RBFOX2: variants seen among roughly 807,000 people sequenced by gnomAD.
RBFOX2 encodes RNA binding fox-1 homolog 2.
A neutral mutation model predicts 49.1 loss-of-function variants in RBFOX2; 10 were observed. The observed-to-expected ratio is 0.20, with a 90% confidence interval of 0.13 to 0.35. The LOEUF (loss-of-function observed/expected upper bound fraction) is 0.35, where lower values mean the gene tolerates loss of function less well. Among genes scored for constraint, RBFOX2 ranks in the 10% least tolerant of loss-of-function variants. RBFOX2 has a pLI of 1.00. For missense variants in RBFOX2, 323 were observed against 486.9 expected (o/e 0.66, Z 3.17); for synonymous variants, 183 against 187.4 (o/e 0.98, Z 0.19).
At chr22:35,920,095 G>A (rs2050863982) in intron 1 of RBFOX2, among the ~76,000 whole-genome samples, 1 of 152,218 alleles carries the variant, frequency 6.6e-6, no homozygotes. Flanking sequence ...TAAAAGCACA[G>A]GTTTGGGAGT....
At chr22:35,967,438 T>C (rs933484370) in intron 1 of RBFOX2, among the ~76,000 whole-genome samples, 3 of 151,834 alleles carry the variant, frequency 2.0e-5, no homozygotes, top group Admixed American at 1.3e-4. Context: ...AATGATGTTT[T>C]CTTCCACCTA....
At chr22:35,753,866 T>A (rs1287036711) in intron 9 of RBFOX2, among the ~76,000 whole-genome samples, 1 of 133,522 alleles carries the variant, frequency 7.5e-6, no homozygotes, top group African/African-American at 2.8e-5. Flanking sequence ...CACTGCAACC[T>A]CTGCCTCCAG....
At chr22:35,768,173 G>T in intron 5 of RBFOX2, 84 bp downstream of exon 6, 2 of 1,428,558 alleles carry the variant, frequency 1.4e-6, no homozygotes, top group Non-Finnish European at 9.8e-7. Flanking sequence ...ATAAGACAGG[G>T]TTCCAAATGT....
exon 12 of RBFOX2, chr22:35,743,903 A>G (rs985805932): frequency 1.3e-5 from 4 of 312,706 alleles, no homozygotes; most frequent in Non-Finnish European, 2.3e-5. Context: ...TAAGCTAAGC[A>G]CGGACATACA....
chr22:35,923,308 G>GA (rs2051234565), intron 1 of RBFOX2, among the ~76,000 whole-genome samples: 1 of 152,116 alleles, frequency 6.6e-6, no homozygotes, highest in Non-Finnish European at 1.5e-5. Context: ...CCTTATGGGG[G>GA]AAAGGGCTCC....
chr22:35,894,666 G>A (rs1267902743), intron 1 of RBFOX2, among the ~76,000 whole-genome samples: 2 of 152,136 alleles, frequency 1.3e-5, no homozygotes, highest in Middle Eastern at 3.2e-3. Context: ...TCACCGCTAG[G>A]TTTTAAAAAC....
At chr22:35,783,222 A>T (rs1204336143) in intron 2 of RBFOX2, among the ~76,000 whole-genome samples, 1 of 152,146 alleles carries the variant, frequency 6.6e-6, no homozygotes, top group Non-Finnish European at 1.5e-5. Flanking sequence ...CATGTTACAC[A>T]GGAGGAGACA....
chr22:35,979,529 T>C (rs549047394), intron 1 of RBFOX2, among the ~76,000 whole-genome samples: 4 of 151,944 alleles, frequency 2.6e-5, no homozygotes, highest in African/African-American at 4.8e-5. Context: ...AAAGGCACAA[T>C]GAAAAAGGGT....
intron 1 of RBFOX2, among the ~76,000 whole-genome samples, chr22:36,026,541 T>TACAGACATACAC (rs5845246): frequency 1.2e-3 from 164 of 136,642 alleles, no homozygotes; most frequent in African/African-American, 4.4e-3. Context: ...AATGAATACA[T>TACAGACATACAC]ACACACACAC....
chr22:35,943,096 A>G (rs569933102), upstream of RBFOX2, among the ~76,000 whole-genome samples: 1 of 152,350 alleles, frequency 6.6e-6, no homozygotes, highest in Non-Finnish European at 1.5e-5. Context: ...TCTTGATTCT[A>G]TACCCAATAC....
intron 5 of RBFOX2, among the ~76,000 whole-genome samples, chr22:35,765,956 A>T (rs1046999362): frequency 6.6e-6 from 1 of 152,188 alleles, no homozygotes; most frequent in African/African-American, 2.4e-5. Context: ...AGAGATTTTT[A>T]CTGTCTGAGG....
intron 1 of RBFOX2, among the ~76,000 whole-genome samples, chr22:35,818,004 A>G (rs1349613660): frequency 1.3e-5 from 2 of 152,018 alleles, no homozygotes; most frequent in African/African-American, 4.8e-5. Flanking sequence ...TGAATTACTC[A>G]GAGGGAAAAG....
intron 2 of RBFOX2, among the ~76,000 whole-genome samples, chr22:35,798,825 T>C (rs373386121): frequency 1.8e-4 from 28 of 152,328 alleles, no homozygotes; most frequent in African/African-American, 5.5e-4. Context: ...GAAAACCTTA[T>C]ATTTAAGTGA....
intron 9 of RBFOX2, chr22:35,748,479 CTTTTT>C (rs895716303): frequency 6.9e-6 from 1 of 145,002 alleles, no homozygotes; most frequent in African/African-American, 2.5e-5. Context: ...ATTTCTTTAC[CTTTTT>C]TTTTTTTAAG....
chr22:35,820,855 AG>A (rs1203287927), intron 1 of RBFOX2, among the ~76,000 whole-genome samples: 1 of 152,236 alleles, frequency 6.6e-6, no homozygotes. Context: ...GAGATTCATT[AG>A]AAGGATACCA....
intron 1 of RBFOX2, among the ~76,000 whole-genome samples, chr22:35,884,202 GC>G (rs2046295772): frequency 6.6e-6 from 1 of 151,856 alleles, no homozygotes; most frequent in African/African-American, 2.4e-5. Context: ...TTGCTATGTT[GC>G]CCAGGCTGGT....
chr22:35,920,248 T>C (rs976932611), intron 1 of RBFOX2, among the ~76,000 whole-genome samples: 6 of 152,238 alleles, frequency 3.9e-5, no homozygotes, highest in Admixed American at 3.3e-4. Context: ...ATATGATGCC[T>C]GGTCATGAAG....
chr22:35,863,233 T>C (rs2043298679), intron 1 of RBFOX2, among the ~76,000 whole-genome samples: 1 of 152,184 alleles, frequency 6.6e-6, no homozygotes, highest in African/African-American at 2.4e-5. Context: ...GTAACATATT[T>C]ATGTTATTTT....
Position 35,748,464 on chromosome 22 carries a change from A to G in RBFOX2, c.888-1903T>C, listed in dbSNP as rs1472981442. Reference sequence around the variant, plus strand: ...TGGCCACAACATAATTAAACTAACTAAAGTATTTCTTTACCTTTTTTTTTT... The same window carrying G: ...TGGCCACAACATAATTAAACTAACTGAAGTATTTCTTTACCTTTTTTTTTT... On this transcript the variant is annotated intron_variant, in intron 9 of 11. Coordinates refer to ENST00000405409, the Ensembl canonical transcript of RBFOX2. 10 of 152,218 alleles carry G rather than the reference A, an allele frequency of 6.6e-5. No homozygotes were observed. In the East Asian group the frequency reaches 1.3e-3, roughly 21 times the overall value. The allele number at this position is 152,218 out of a possible 1,614,324, so 9.4% of individuals were successfully genotyped here.
Sources: allele counts gnomAD v4.1 joint callset (sites outside exome capture counted in the v4.1 genomes callset), GRCh38; gene constraint gnomAD v4.1.1; transcripts MANE v1.5; gene names NCBI Gene and HGNC (gene_info 2026-07-23, HGNC 2026-07-21).